Variants in LSAMP observed in about 807,000 individuals in gnomAD.
The protein encoded by LSAMP is limbic system-associated membrane protein.
In LSAMP, 7 loss-of-function variants were observed where a neutral mutation model predicts 38.6. The ratio of observed to expected loss-of-function variants is 0.18; its 90% CI spans 0.10 to 0.34. The LOEUF is 0.34. Ranked by LOEUF, LSAMP falls within the 10% of genes least tolerant of loss-of-function variation. The pLI, the probability that LSAMP is intolerant of heterozygous loss-of-function variation, is 1.00. For synonymous variants in LSAMP, 154 were observed against 166.8 expected, an observed-to-expected ratio of 0.92 and a Z score of 0.59; for missense variants, 313 against 420.0, an observed-to-expected ratio of 0.75 and a Z score of 2.23.
intron 3 of LSAMP, among the ~76,000 whole-genome samples, chr3:115,980,295 T>G (rs566563464): frequency 2.0e-5 from 3 of 152,140 alleles, no homozygotes; most frequent in Admixed American, 1.3e-4. Flanking sequence ...GATTGTAAGT[T>G]TTTTTGTTAA....
At chr3:116,416,114 G>C (rs2049046684) in intron 1 of LSAMP, among the ~76,000 whole-genome samples, 1 of 152,152 alleles carries the variant, frequency 6.6e-6, no homozygotes, top group African/African-American at 2.4e-5. Context: ...CTGCAAAACT[G>C]AGGTAGTATG....
At chr3:116,208,902 C>A (rs1360298647) in intron 1 of LSAMP, among the ~76,000 whole-genome samples, 1 of 152,220 alleles carries the variant, frequency 6.6e-6, no homozygotes, top group African/African-American at 2.4e-5. Context: ...GGCAGGCAGG[C>A]CTCCTTGAGC....
At chr3:116,420,458 T>G (rs1576210813) in intron 1 of LSAMP, among the ~76,000 whole-genome samples, 1 of 152,260 alleles carries the variant, frequency 6.6e-6, no homozygotes, top group African/African-American at 2.4e-5. Flanking sequence ...TTTTGAAAAC[T>G]CGGCATGAAG....
chr3:116,351,165 C>T (rs1288676845), intron 1 of LSAMP, among the ~76,000 whole-genome samples: 1 of 151,792 alleles, frequency 6.6e-6, no homozygotes, highest in East Asian at 1.9e-4. Flanking sequence ...TTCAAAAGTT[C>T]GGATTTGGGG....
chr3:115,882,123 C>T (rs1448184106), intron 3 of LSAMP, among the ~76,000 whole-genome samples: 1 of 152,044 alleles, frequency 6.6e-6, no homozygotes, highest in Admixed American at 6.6e-5. Context: ...GAGAGTTTTC[C>T]TAAGGCAATA....
chr3:115,925,146 G>T (rs946801036), intron 3 of LSAMP, among the ~76,000 whole-genome samples: 1 of 152,150 alleles, frequency 6.6e-6, no homozygotes, highest in Non-Finnish European at 1.5e-5. Context: ...CTAGGCCTGG[G>T]GGGTGAACAA....
At chr3:116,262,313 A>C (rs1386327306) in intron 1 of LSAMP, among the ~76,000 whole-genome samples, 1 of 152,204 alleles carries the variant, frequency 6.6e-6, no homozygotes, top group African/African-American at 2.4e-5. Context: ...AAGGAATTGG[A>C]AATTGTGAAA....
At chr3:115,840,051 G>A (rs1934946002) in intron 6 of LSAMP, among the ~76,000 whole-genome samples, 1 of 152,016 alleles carries the variant, frequency 6.6e-6, no homozygotes, top group Admixed American at 6.5e-5. Context: ...TCTCCCTCAA[G>A]TATTCCATCC....
chr3:116,259,828 G>T (rs2046801984), intron 1 of LSAMP, among the ~76,000 whole-genome samples: 1 of 151,986 alleles, frequency 6.6e-6, no homozygotes, highest in Non-Finnish European at 1.5e-5. Flanking sequence ...AGAGTGCTTG[G>T]GTCTTCTCCT....
chr3:116,038,152 A>G (rs1467725980), intron 2 of LSAMP, among the ~76,000 whole-genome samples: 1 of 152,114 alleles, frequency 6.6e-6, no homozygotes. Flanking sequence ...TCCTCAATTT[A>G]CTAGCTATTT....
intron 3 of LSAMP, among the ~76,000 whole-genome samples, chr3:115,996,006 G>A (rs1362121385): frequency 3.3e-5 from 5 of 151,762 alleles, no homozygotes; most frequent in Non-Finnish European, 7.4e-5. Context: ...CCAACAACTG[G>A]TTAAAGAAAT....
chr3:116,429,391 T>C (rs1411796859), intron 1 of LSAMP, among the ~76,000 whole-genome samples: 1 of 152,216 alleles, frequency 6.6e-6, no homozygotes, highest in Non-Finnish European at 1.5e-5. Context: ...AATTGACAGA[T>C]GACTGCCATT....
chr3:115,877,763 T>C (rs1352409508), intron 3 of LSAMP, among the ~76,000 whole-genome samples: 4 of 152,168 alleles, frequency 2.6e-5, no homozygotes, highest in African/African-American at 9.6e-5. Flanking sequence ...GCATGCTTTC[T>C]GTGTCCTTCA....
intron 1 of LSAMP, among the ~76,000 whole-genome samples, chr3:116,148,229 T>C (rs973619232): frequency 1.3e-5 from 2 of 151,984 alleles, no homozygotes; most frequent in Non-Finnish European, 2.9e-5. Flanking sequence ...AGGATTTTAT[T>C]TGATTCATTA....
chr3:115,811,260 G>A (rs1315030957), intron 6 of LSAMP, among the ~76,000 whole-genome samples: 1 of 152,084 alleles, frequency 6.6e-6, no homozygotes, highest in Non-Finnish European at 1.5e-5. Context: ...TCTGAGAGGG[G>A]AAATAGGATG....
intron 1 of LSAMP, among the ~76,000 whole-genome samples, chr3:116,441,279 TAGAATATTTAA>T (rs1210880592): frequency 2.6e-5 from 4 of 152,180 alleles, no homozygotes; most frequent in African/African-American, 9.7e-5. Flanking sequence ...ACCTTGAATT[TAGAATATTTAA>T]AATCACAAGT....
chr3:116,254,916 T>G (rs987311878), intron 1 of LSAMP, among the ~76,000 whole-genome samples: 2 of 152,206 alleles, frequency 1.3e-5, no homozygotes, highest in Admixed American at 6.5e-5. Flanking sequence ...TGATTTCTGA[T>G]AGAAAATTAA....
chr3:116,221,066 T>C (rs940076196), intron 1 of LSAMP, among the ~76,000 whole-genome samples: 2 of 137,182 alleles, frequency 1.5e-5, no homozygotes, highest in African/African-American at 5.5e-5. Flanking sequence ...GGCTGGAGAA[T>C]GGCGTGAAGC....
At chr3:115,882,327 G>C (rs1008439621) in intron 3 of LSAMP, among the ~76,000 whole-genome samples, 4 of 151,998 alleles carry the variant, frequency 2.6e-5, no homozygotes, top group Non-Finnish European at 4.4e-5. Context: ...TAAGATTTTT[G>C]CTCAAGGATC....
Sources: gnomAD v4.1 joint callset for allele counts (sites outside exome capture counted in the v4.1 genomes callset) on GRCh38, gnomAD v4.1.1 for gene constraint, MANE v1.5 for transcripts, NCBI Gene and HGNC (gene_info 2026-07-23, HGNC 2026-07-21) for gene names.